Variants in MBD5 observed in about 807,000 individuals in gnomAD.
The protein encoded by MBD5 is methyl-CpG binding domain protein 5.
A neutral mutation model predicts 117.3 loss-of-function variants in MBD5; 13 were observed. The ratio of observed to expected loss-of-function variants is 0.11; its 90% CI spans 0.07 to 0.18. MBD5 has a LOEUF of 0.18. Ranked by LOEUF, MBD5 falls within the 10% of genes least tolerant of loss-of-function variation. The pLI, the probability that MBD5 is intolerant of heterozygous loss-of-function variation, is 1.00. For missense variants in MBD5, 1,879 were observed against 2,093.8 expected (o/e 0.90, Z 2.00); for synonymous variants, 727 against 766.4 (o/e 0.95, Z 0.85).
chr2:148,076,284 G>A (rs1186798615), intron 1 of MBD5, among the ~76,000 whole-genome samples: 1 of 152,012 alleles, frequency 6.6e-6, no homozygotes, highest in African/African-American at 2.4e-5. Context: ...GCTCCATGTA[G>A]CCTGAAGAAG....
At chr2:148,401,467 G>A (rs778671035) in intron 4 of MBD5, among the ~76,000 whole-genome samples, 7 of 151,994 alleles carry the variant, frequency 4.6e-5, no homozygotes, top group South Asian at 2.1e-4. Context: ...CCAGTTTCTT[G>A]TATTCAATTC....
At chr2:148,158,916 G>T (rs773661352) in intron 1 of MBD5, among the ~76,000 whole-genome samples, 6 of 152,152 alleles carry the variant, frequency 3.9e-5, no homozygotes, top group Admixed American at 6.5e-5. Flanking sequence ...TAGAGACGGG[G>T]TTTCATCGTG....
intron 10 of MBD5, among the ~76,000 whole-genome samples, chr2:148,487,843 C>T (rs959002916): frequency 2.6e-5 from 4 of 152,140 alleles, no homozygotes; most frequent in Non-Finnish European, 5.9e-5. Context: ...ATGGTGTTAA[C>T]TTCAAATACA....
chr2:148,389,305 A>G (rs1279702132), intron 4 of MBD5, among the ~76,000 whole-genome samples: 5 of 69,762 alleles, frequency 7.2e-5, no homozygotes, highest in Admixed American at 1.7e-4. Flanking sequence ...TATATATATA[A>G]CATTTTCTTT....
intron 1 of MBD5, among the ~76,000 whole-genome samples, chr2:148,149,675 T>C (rs899115760): frequency 2.0e-5 from 3 of 152,234 alleles, no homozygotes; most frequent in African/African-American, 7.2e-5. Flanking sequence ...TTGATTTGCA[T>C]TTCTCTGATG....
intron 3 of MBD5, among the ~76,000 whole-genome samples, chr2:148,278,556 T>C (rs1701168034): frequency 6.6e-6 from 1 of 152,184 alleles, no homozygotes; most frequent in Non-Finnish European, 1.5e-5. Flanking sequence ...TTTAAAAATC[T>C]TCATACTTTT....
intron 4 of MBD5, among the ~76,000 whole-genome samples, chr2:148,358,632 A>AAG (rs1703447822): frequency 6.6e-6 from 1 of 150,524 alleles, no homozygotes; most frequent in East Asian, 2.0e-4. Flanking sequence ...AAAAAAAAAA[A>AAG]AAAAAGCTGG....
intron 2 of MBD5, among the ~76,000 whole-genome samples, chr2:148,225,178 TG>T (rs970775176): frequency 2.0e-4 from 31 of 152,154 alleles, no homozygotes; most frequent in African/African-American, 7.2e-4. Context: ...GTGATTTTCT[TG>T]GGTCTTGCCT....
chr2:148,057,091 T>C (rs982292704), intron 1 of MBD5, among the ~76,000 whole-genome samples: 5 of 151,832 alleles, frequency 3.3e-5, no homozygotes, highest in South Asian at 2.1e-4. Flanking sequence ...TTATTTATGC[T>C]TCTCTTGTTC....
rs1327003822 is a variant in MBD5 at position 148,381,794 on chromosome 2, G to A, written c.-557+39458G>A. On this transcript the variant is annotated intron_variant, in intron 4 of 13. Coordinates refer to ENST00000642680, the MANE Select transcript of MBD5 (RefSeq NM_001378120.1). Reference sequence around the variant, plus strand: ...ACTCTACAAGCCAGAAGAGAGTGGGGGCCAATATTCAACATTCTGAAGGAA... The same window carrying A: ...ACTCTACAAGCCAGAAGAGAGTGGGAGCCAATATTCAACATTCTGAAGGAA... Among the ~76,000 whole-genome samples the A allele has an allele frequency of 2.0e-5, 3 of 152,198 alleles. No individual in the cohort carries two copies. The South Asian group carries it at 6.2e-4, about 32-fold the overall frequency.
At chr2:148,052,822 G>A (rs371648814) in intron 1 of MBD5, among the ~76,000 whole-genome samples, 16 of 151,890 alleles carry the variant, frequency 1.1e-4, no homozygotes, top group African/African-American at 3.9e-4. Context: ...CCATAAACAT[G>A]TGACTTATCC....
At chr2:148,022,062 T>C (rs1346668798) in intron 1 of MBD5, among the ~76,000 whole-genome samples, 1 of 152,114 alleles carries the variant, frequency 6.6e-6, no homozygotes, top group African/African-American at 2.4e-5. Flanking sequence ...ATTGGAGAGC[T>C]CTTTTTCTCC....
intron 1 of MBD5, among the ~76,000 whole-genome samples, chr2:148,024,044 A>T (rs1334590942): frequency 2.6e-5 from 4 of 151,976 alleles, no homozygotes; most frequent in Non-Finnish European, 5.9e-5. Context: ...GGACCAGGGA[A>T]CTCAGGTCTC....
chr2:148,345,440 T>C (rs1489486259), intron 4 of MBD5, among the ~76,000 whole-genome samples: 2 of 92,640 alleles, frequency 2.2e-5, no homozygotes, highest in Non-Finnish European at 5.1e-5. Context: ...TATACATATG[T>C]ATATACACAT....
intron 3 of MBD5, among the ~76,000 whole-genome samples, chr2:148,317,068 G>A (rs770422780): frequency 7.2e-5 from 11 of 152,198 alleles, no homozygotes; most frequent in Non-Finnish European, 1.5e-4. Context: ...CAAAACTCCA[G>A]TATAAAGCAG....
chr2:148,093,263 C>T (rs1695986914), intron 1 of MBD5, among the ~76,000 whole-genome samples: 1 of 152,152 alleles, frequency 6.6e-6, no homozygotes. Context: ...AAACAGGCAA[C>T]TTACAAAGTA....
intron 1 of MBD5, among the ~76,000 whole-genome samples, chr2:148,137,917 A>G (rs567999100): frequency 2.0e-5 from 3 of 152,316 alleles, no homozygotes; most frequent in East Asian, 1.9e-4. Context: ...GTAGTAGGCT[A>G]TATCATCTGG....
At chr2:148,473,324 G>A (rs1198850624) in intron 8 of MBD5, among the ~76,000 whole-genome samples, 1 of 151,912 alleles carries the variant, frequency 6.6e-6, no homozygotes, top group African/African-American at 2.4e-5. Flanking sequence ...AATTAGAATG[G>A]GTTTCCTAGT....
At chr2:148,453,747 A>G (rs924330267) in intron 4 of MBD5, among the ~76,000 whole-genome samples, 2 of 151,918 alleles carry the variant, frequency 1.3e-5, no homozygotes, top group Non-Finnish European at 2.9e-5. Context: ...TTATAAAAGT[A>G]AACCTGACTA....
Sources: gnomAD v4.1 joint callset for allele counts (sites outside exome capture counted in the v4.1 genomes callset) on GRCh38, gnomAD v4.1.1 for gene constraint, MANE v1.5 for transcripts, NCBI Gene and HGNC (gene_info 2026-07-23, HGNC 2026-07-21) for gene names.